SHISA9: variants seen among roughly 807,000 people sequenced by gnomAD.
SHISA9 encodes shisa family member 9.
A neutral mutation model predicts 38.0 loss-of-function variants in SHISA9; 13 were observed. That is an observed-to-expected ratio of 0.34 (90% CI 0.22 to 0.54). The LOEUF is 0.54. Ranked by LOEUF, SHISA9 falls within the 20% of genes least tolerant of loss-of-function variation. The pLI is 0.91. For synonymous variants in SHISA9, 275 were observed against 242.0 expected (o/e 1.14, Z -1.27); for missense variants, 538 against 575.8 (o/e 0.93, Z 0.67).
At chr16:13,454,039 G>C in the SHISA9 span, among the ~76,000 whole-genome samples, 1 of 152,158 alleles carries the variant, frequency 6.6e-6, no homozygotes. Context: ...AAGAGTACCA[G>C]TGAGAGGTAA....
the SHISA9 span, among the ~76,000 whole-genome samples, chr16:13,482,890 A>G: frequency 4.6e-5 from 7 of 151,688 alleles, no homozygotes; most frequent in African/African-American, 1.5e-4. Context: ...GTCTAACTCT[A>G]CTGCTAATGC....
chr16:13,315,319 G>A, the SHISA9 span, among the ~76,000 whole-genome samples: 1 of 152,368 alleles, frequency 6.6e-6, no homozygotes, highest in Admixed American at 6.5e-5. Flanking sequence ...GTGAGAACAA[G>A]AGAGCTTGTA....
the SHISA9 span, among the ~76,000 whole-genome samples, chr16:13,446,089 C>T: frequency 6.6e-6 from 1 of 151,992 alleles, no homozygotes; most frequent in South Asian, 2.1e-4. Context: ...ACTACAGGTG[C>T]CCGCCACCAT....
the SHISA9 span, among the ~76,000 whole-genome samples, chr16:13,465,763 T>A: frequency 2.0e-5 from 3 of 152,136 alleles, no homozygotes; most frequent in Non-Finnish European, 2.9e-5. Flanking sequence ...CCTCTACCTC[T>A]CCAGAAAGAA....
At chr16:13,155,870 C>G (rs1451514329) in intron 2 of SHISA9, among the ~76,000 whole-genome samples, 1 of 151,894 alleles carries the variant, frequency 6.6e-6, no homozygotes, top group African/African-American at 2.4e-5. Context: ...TTTTTCTTCC[C>G]TCTCCCAGAA....
chr16:13,179,439 A>C (rs1290347955), intron 2 of SHISA9, among the ~76,000 whole-genome samples: 1 of 152,246 alleles, frequency 6.6e-6, no homozygotes. Context: ...ATTAAAAGAT[A>C]GATACTATGA....
At chr16:13,090,632 T>G (rs772435302) in intron 2 of SHISA9, among the ~76,000 whole-genome samples, 1 of 136,752 alleles carries the variant, frequency 7.3e-6, no homozygotes, top group African/African-American at 2.6e-5. Context: ...ACTCCTGCTG[T>G]TTTTTTGCTT....
At chr16:12,941,947 A>C (rs527404738) in intron 2 of SHISA9, among the ~76,000 whole-genome samples, 1 of 151,888 alleles carries the variant, frequency 6.6e-6, no homozygotes, top group South Asian at 2.1e-4. Flanking sequence ...AAGCATCACC[A>C]CTCCAATGCA....
At chr16:13,039,334 C>A (rs1040596612) in intron 2 of SHISA9, among the ~76,000 whole-genome samples, 1 of 152,158 alleles carries the variant, frequency 6.6e-6, no homozygotes, top group African/African-American at 2.4e-5. Context: ...CACCAGCTTT[C>A]ACATGAGGAA....
the SHISA9 span, among the ~76,000 whole-genome samples, chr16:13,304,473 G>T: frequency 2.0e-4 from 31 of 152,212 alleles, no homozygotes; most frequent in Non-Finnish European, 4.3e-4. Flanking sequence ...GCCCAGGCTG[G>T]TCTTGAATTC....
At chr16:13,538,001 A>G in the SHISA9 span, among the ~76,000 whole-genome samples, 1 of 152,220 alleles carries the variant, frequency 6.6e-6, no homozygotes. Context: ...TAAAATAAGT[A>G]TATTTTGTTT....
At chr16:12,951,206 G>GC (rs2071750777) in intron 2 of SHISA9, among the ~76,000 whole-genome samples, 1 of 101,152 alleles carries the variant, frequency 9.9e-6, no homozygotes, top group Non-Finnish European at 1.8e-5. Context: ...GGGTGACAGA[G>GC]CAAGACTCCT....
chr16:13,089,391 T>C (rs1279981097), intron 2 of SHISA9, among the ~76,000 whole-genome samples: 3 of 152,240 alleles, frequency 2.0e-5, no homozygotes, highest in African/African-American at 4.8e-5. Context: ...AGCTCCTCTT[T>C]GTACCTCTGG....
At chr16:12,916,603 T>G in intron 1 of SHISA9, 85 bp from the exon 2 acceptor site, 1 of 1,445,632 alleles carries the variant, frequency 6.9e-7, no homozygotes, top group South Asian at 1.4e-5. Context: ...GCCTTGCCAT[T>G]TGTTCGCGAC....
intron 2 of SHISA9, among the ~76,000 whole-genome samples, chr16:13,068,617 C>G (rs1326655367): frequency 6.6e-6 from 1 of 152,218 alleles, no homozygotes; most frequent in Non-Finnish European, 1.5e-5. Flanking sequence ...GATTCTGAGC[C>G]ATGGCTTTCA....
At chr16:13,402,604 C>T in the SHISA9 span, among the ~76,000 whole-genome samples, 203 of 151,526 alleles carry the variant, frequency 1.3e-3, no homozygotes, top group African/African-American at 4.5e-3. Context: ...AACCACCTCC[C>T]GGGTTGAAGC....
At chr16:13,245,456 T>C in the SHISA9 span, among the ~76,000 whole-genome samples, 3 of 152,192 alleles carry the variant, frequency 2.0e-5, no homozygotes, top group African/African-American at 7.2e-5. Flanking sequence ...AGTATCTCTA[T>C]CATTGGCTGT....
the SHISA9 span, among the ~76,000 whole-genome samples, chr16:13,361,022 AC>A: frequency 2.0e-5 from 3 of 151,720 alleles, no homozygotes; most frequent in Non-Finnish European, 4.4e-5. Flanking sequence ...CCTGCACCAA[AC>A]TCCTTGTCTT....
the SHISA9 span, among the ~76,000 whole-genome samples, chr16:13,412,663 C>A: frequency 2.6e-5 from 4 of 151,972 alleles, no homozygotes; most frequent in Non-Finnish European, 5.9e-5. Context: ...TTGAGACCAG[C>A]CTGGCCAACA....
Sources: allele counts gnomAD v4.1 joint callset (sites outside exome capture counted in the v4.1 genomes callset), GRCh38; gene constraint gnomAD v4.1.1; transcripts MANE v1.5; gene names NCBI Gene and HGNC (gene_info 2026-07-23, HGNC 2026-07-21).